Variants in SEMA4C observed in about 807,000 individuals in gnomAD.
SEMA4C encodes semaphorin 4C.
Under a neutral mutation model 89.0 loss-of-function variants are expected in SEMA4C, and 19 were observed. The ratio of observed to expected loss-of-function variants is 0.21; its 90% CI spans 0.15 to 0.31. SEMA4C has a LOEUF of 0.31. SEMA4C is among the 10% of genes least tolerant of loss of function. SEMA4C has a pLI of 1.00. For synonymous variants in SEMA4C, 428 were observed against 472.7 expected (o/e 0.91, Z 1.23); for missense variants, 811 against 1,107.0 (o/e 0.73, Z 3.79).
At chr2:96,870,447 C>CAGTT, upstream of SEMA4C, 1 of 904,588 alleles carries the variant, frequency 1.1e-6, no homozygotes, top group South Asian at 5.1e-5. Flanking sequence ...CCCGACCGTG[C>CAGTT]AGTTGCAGGA....
In SEMA4C at chr2:96,860,643, C is replaced by T. The variant is rs375490727; in HGVS notation, c.2485G>A (p.Glu829Lys). Residue 829 changes from glutamate to lysine, a missense_variant, in exon 15 of 15, where the codon GAG becomes AAG. This residue lies in a region of SEMA4C where 248 missense variants were observed against 269.0 expected (regional missense o/e 0.92). Coordinates refer to ENST00000305476, the MANE Select transcript of SEMA4C (RefSeq NM_017789.5). ...QRQPLPDSNP[E>K]ESSV ...GGTTCCCCTCATACTGATGACTCCT[C>T]GGGGTTGGAGTCGGGCAGTGGCTGG... The T allele has an allele frequency of 5.1e-5, 82 of 1,609,744 alleles. No individual in the cohort carries two copies. Among genetic ancestry groups the T allele is most frequent in the Middle Eastern group, 1.7e-4 (1 of 6,056 alleles).
In SEMA4C at chr2:96,861,150, C is replaced by T. The variant is rs770665010; in HGVS notation, c.1978G>A (p.Glu660Lys). 9.9e-6 allele frequency: 16 copies of T among 1,611,106 alleles called. No individual in the cohort carries two copies. Among genetic ancestry groups the T allele is most frequent in the Non-Finnish European group, 1.4e-5 (16 of 1,179,666 alleles). ...GCCAGCCACACCAGCCCCAGGTTTTCCAGGGGGGCCCGGGCCTCCAAGGTC... is the reference window on the plus strand; with the variant it reads ...GCCAGCCACACCAGCCCCAGGTTTTTCAGGGGGGCCCGGGCCTCCAAGGTC... The part of the protein sequence containing the change: ...SVTLEARAPL[E>K]NLGLVWLAVV... The change falls in exon 15 of 15, where the codon GAA becomes AAA. Residue 660 changes from glutamate to lysine, a missense_variant. By Grantham distance (56) the Glu-to-Lys change is moderately conservative. Coordinates refer to ENST00000305476, the MANE Select transcript of SEMA4C (RefSeq NM_017789.5). This position sits in a 1 kb window ranked among gnomAD's most constrained non-coding sequence, Gnocchi z 7.8.
chr2:96,863,649 G>A, intron 12 of SEMA4C, 33 bp downstream of exon 12: 3 of 1,571,230 alleles, frequency 1.9e-6, no homozygotes, highest in African/African-American at 1.3e-5. Flanking sequence ...GGATAGTGCT[G>A]GGGACAGTGG....
At chr2:96,870,335 G>T (rs947174864), upstream of SEMA4C, 2 of 984,602 alleles carry the variant, frequency 2.0e-6, no homozygotes, top group Non-Finnish European at 2.4e-6. Flanking sequence ...GAGGTGGGGC[G>T]GGGGAGGGAC....
Position 96,865,545 on chromosome 2 carries a change from C to CAG in SEMA4C, c.421-10_421-9dup. 1 of 1,612,932 alleles carries CAG rather than the reference C, an allele frequency of 6.2e-7. No homozygotes were observed. ...AGTGAAGGTGAGCATGTTCTAAGGA[C>CAG]AGAGAGAGAGGTGATGAGGAGATGC... On this transcript the variant is annotated splice_polypyrimidine_tract_variant and intron_variant, in intron 5 of 14. Transcript: ENST00000305476.
Position 96,865,218 on chromosome 2 carries a change from G to T in SEMA4C, c.620C>A (p.Ala207Asp). The T allele has an allele frequency of 1.2e-6, 2 of 1,614,040 alleles. No individual in the cohort carries two copies. The highest frequency in any genetic ancestry group is 1.1e-5 in the South Asian group (1 of 91,078). ...CGGTGGCTCACCGTTGAGCCAAAAG[G>T]CCAGGTACTCTGTCTTCATGGAGTG... ...PHHSMKTEYL[A>D]FWLNEPHFVG... Residue 207 changes from alanine to aspartate, a missense_variant, in exon 7 of 15, where the codon GCC (alanine) becomes GAC (aspartate). Around this residue, in one of 4 missense-constraint regions of SEMA4C, gnomAD observed 441 missense variants for 664.9 expected, o/e 0.66. Transcript: ENST00000305476.
Position 96,868,808 on chromosome 2 carries a change from C to A in SEMA4C, c.-37-885G>T, listed in dbSNP as rs966346039. On this transcript the variant is annotated intron_variant, in intron 1 of 14. Coordinates refer to ENST00000305476, the MANE Select transcript of SEMA4C (RefSeq NM_017789.5). Reference sequence around the variant, plus strand: ...GCCGCTGGCAACGCGCCGCGCACGGCCGGCACCCGCTGCGCTCCCGCGACT... The same window carrying A: ...GCCGCTGGCAACGCGCCGCGCACGGACGGCACCCGCTGCGCTCCCGCGACT... 11 of 985,204 alleles carry A rather than the reference C, an allele frequency of 1.1e-5. No homozygotes were observed. In the African/African-American group the frequency reaches 1.6e-4, roughly 14 times the overall value. 61.0% of individuals were successfully genotyped at this position (985,204 alleles called of 1,614,324 possible). A position where few individuals can be genotyped will look rare whatever the true frequency, so the allele number is the denominator to read the frequency against.
chr2:96,867,593 G>T (rs564395794), intron 2 of SEMA4C, among the ~76,000 whole-genome samples, 185 bp downstream of exon 2: 2 of 152,204 alleles, frequency 1.3e-5, no homozygotes, highest in East Asian at 3.9e-4. Flanking sequence ...GCAGTCTGGG[G>T]TGGGGAGTTG....
intron 1 of SEMA4C, chr2:96,868,343 TG>T: frequency 1.2e-6 from 1 of 864,050 alleles, no homozygotes; most frequent in Non-Finnish European, 1.4e-6. Context: ...CACCTAATTC[TG>T]GGAGGAAGAC....
upstream of SEMA4C, chr2:96,870,715 C>A: frequency 1.0e-6 from 1 of 985,534 alleles, no homozygotes; most frequent in Non-Finnish European, 1.2e-6. Flanking sequence ...AAAATGACTC[C>A]TCGTGCCACT....
At chr2:96,869,069 C>T (rs2153365942) in intron 1 of SEMA4C, 1 of 985,406 alleles carries the variant, frequency 1.0e-6, no homozygotes, top group South Asian at 4.7e-5. Context: ...GCGCGGGGAG[C>T]GTGGCGAGCC....
Position 96,869,926 on chromosome 2 carries a change from A to C in SEMA4C, c.-88T>G, listed in dbSNP as rs2080169295. ...GGCGCCGCCCTCGCGTTCGGCTCTG[A>C]CCGCCGTCCACCCCTGCCCCCGCGT... On this transcript the variant is annotated 5_prime_UTR_variant, in exon 1 of 15. Transcript: ENST00000305476. 1 of 986,304 alleles carries C rather than the reference A, an allele frequency of 1.0e-6. No homozygotes were observed. The highest frequency in any genetic ancestry group is 1.8e-5 in the African/African-American group (1 of 57,110). The allele number at this position is 986,304 out of a possible 1,614,324, so 61.1% of individuals were successfully genotyped here. A position where few individuals can be genotyped will look rare whatever the true frequency, so the allele number is the denominator to read the frequency against.
At position 96,866,605 on chromosome 2, in the gene SEMA4C, C is replaced by G. The variant is rs781582234; in HGVS notation, c.110-174G>C. On this transcript the variant is annotated intron_variant, in intron 2 of 14. Transcript: ENST00000305476. ...TTGGCCCTGACAGCCCCACCTGGGC[C>G]TCCCTAGCCTTTCCCAGCCTGGGAG... 3.8e-5 allele frequency: 33 copies of G among 872,614 alleles called. 1 individual carries two copies. The highest frequency in any genetic ancestry group is 5.9e-5 in the Non-Finnish European group (32 of 538,838). The allele number at this position is 872,614 out of a possible 1,614,324, so 54.1% of individuals were successfully genotyped here. A position where few individuals can be genotyped will look rare whatever the true frequency, so the allele number is the denominator to read the frequency against.
upstream of SEMA4C, chr2:96,870,533 G>A (rs954371639): frequency 6.1e-5 from 60 of 984,064 alleles, no homozygotes; most frequent in Non-Finnish European, 7.1e-5. Flanking sequence ...CTTTTGGGGC[G>A]GACCAGAGGG....
At position 96,860,866 on chromosome 2, in the gene SEMA4C, G is replaced by A. The variant is rs200135501; in HGVS notation, c.2262C>T (p.Pro754=). The A allele has an allele frequency of 2.9e-5, 46 of 1,613,120 alleles. 1 individual carries two copies. Among genetic ancestry groups the A allele is most frequent in the Admixed American group, 1.3e-4 (8 of 60,024 alleles). The change falls in exon 15 of 15, where the codon CCC becomes CCT. Residue 754 remains proline (P), a synonymous_variant. Transcript: ENST00000305476. ...KIVPGHARCQ[P]GGGPPSPPPG... The stretch of plus-strand genomic sequence containing the variant: ...GAGGTGGCGAAGGGGGCCCCCCACC[G>A]GGCTGGCACCGGGCATGCCCAGGTA...
At chr2:96,867,098 T>C (rs1335910973) in intron 2 of SEMA4C, among the ~76,000 whole-genome samples, 1 of 152,108 alleles carries the variant, frequency 6.6e-6, no homozygotes, top group African/African-American at 2.4e-5. Flanking sequence ...AGTCACGTGA[T>C]TCCTACATCA....
At chr2:96,869,776 T>G in intron 1 of SEMA4C, 100 bp downstream of exon 1, 1 of 984,278 alleles carries the variant, frequency 1.0e-6, no homozygotes, top group Non-Finnish European at 1.2e-6. Context: ...CCCCAGCCCC[T>G]GTCCCTCCCG....
chr2:96,860,423 C>T lies in SEMA4C; in HGVS notation c.*203G>A, dbSNP rs1044832441. 1.7e-5 allele frequency: 9 copies of T among 540,302 alleles called. No individual in the cohort carries two copies. Among genetic ancestry groups the T allele is most frequent in the Non-Finnish European group, 2.9e-5 (9 of 309,922 alleles). 33.5% of individuals were successfully genotyped at this position (540,302 alleles called of 1,614,324 possible). On this transcript the variant is annotated 3_prime_UTR_variant, in exon 15 of 15. Coordinates refer to ENST00000305476, the MANE Select transcript of SEMA4C (RefSeq NM_017789.5). ...TTCACAGAGAGGAGGAAGATGCCTT[C>T]TGCGAGGCTGGTGCCCTGGTGAGCC...
chr2:96,866,967 G>A (rs2080087103), intron 2 of SEMA4C: 1 of 264,200 alleles, frequency 3.8e-6, no homozygotes, highest in Non-Finnish European at 7.5e-6. Context: ...CAGGAGGGGA[G>A]CTGGGCTGTG....
Sources: gnomAD v4.1 joint callset for allele counts (sites outside exome capture counted in the v4.1 genomes callset) on GRCh38, gnomAD v4.1.1 for gene constraint, gnomAD v4.1.1 regional missense constraint, Gnocchi (gnomAD v3.1) non-coding constraint, MANE v1.5 for transcripts, NCBI Gene and HGNC (gene_info 2026-07-23, HGNC 2026-07-21) for gene names.